Variants in TBX15 observed in about 807,000 individuals in gnomAD.
TBX15 encodes the protein T-box transcription factor 15.
A neutral mutation model predicts 53.9 loss-of-function variants in TBX15; 18 were observed. The ratio of observed to expected loss-of-function variants is 0.33; its 90% confidence interval spans 0.23 to 0.49. The LOEUF (loss-of-function observed/expected upper bound fraction) is 0.49. Among genes scored for constraint, TBX15 ranks in the 20% least tolerant of loss-of-function variants. The pLI, the probability that TBX15 is intolerant of heterozygous loss-of-function variation, is 0.98. For missense variants in TBX15, 692 were observed against 749.5 expected (o/e 0.92, Z 0.90); for synonymous variants, 295 against 278.0 (o/e 1.06, Z -0.61).
chr1:118,945,996 A>G (rs1301131190), intron 1 of TBX15, among the ~76,000 whole-genome samples: 1 of 152,230 alleles, frequency 6.6e-6, no homozygotes, highest in Non-Finnish European at 1.5e-5. Context: ...TTGATGTATG[A>G]GTGAAGGCAG....
intron 1 of TBX15, among the ~76,000 whole-genome samples, chr1:118,963,840 A>G (rs527927666): frequency 2.0e-5 from 3 of 152,350 alleles, no homozygotes; most frequent in Admixed American, 2.0e-4. Context: ...GCATGATGCA[A>G]GAGTTGATAC....
intron 6 of TBX15, among the ~76,000 whole-genome samples, chr1:118,902,841 T>A (rs1314208921): frequency 6.6e-6 from 1 of 152,162 alleles, no homozygotes; most frequent in Non-Finnish European, 1.5e-5. Flanking sequence ...AAATTTACCC[T>A]GTGCTACACA....
intron 1 of TBX15, among the ~76,000 whole-genome samples, chr1:118,978,835 T>C (rs1657528557): frequency 6.6e-6 from 1 of 152,210 alleles, no homozygotes; most frequent in African/African-American, 2.4e-5. Flanking sequence ...CACCCTTTGA[T>C]GCCAAAAAAT....
chr1:118,966,498 C>A (rs1001950814), intron 1 of TBX15, among the ~76,000 whole-genome samples: 1 of 152,228 alleles, frequency 6.6e-6, no homozygotes, highest in African/African-American at 2.4e-5. Context: ...AAACTCATTG[C>A]ACATTCAGAG....
At chr1:118,904,883 C>G (rs1391111671) in intron 6 of TBX15, among the ~76,000 whole-genome samples, 1 of 152,184 alleles carries the variant, frequency 6.6e-6, no homozygotes, top group Non-Finnish European at 1.5e-5. Context: ...ACCCTGCTGA[C>G]TATTAGTACA....
At chr1:118,972,802 G>A (rs1045857993) in intron 1 of TBX15, among the ~76,000 whole-genome samples, 1 of 152,082 alleles carries the variant, frequency 6.6e-6, no homozygotes, top group Non-Finnish European at 1.5e-5. Flanking sequence ...ATTTCACCAT[G>A]TTGGCCAGGT....
intron 1 of TBX15, among the ~76,000 whole-genome samples, chr1:118,979,757 G>C (rs1413525097): frequency 6.6e-6 from 1 of 152,242 alleles, no homozygotes; most frequent in Non-Finnish European, 1.5e-5. Context: ...CCATCCCTCA[G>C]GGTTCCGGGT....
At chr1:118,970,306 C>T (rs967126486) in intron 1 of TBX15, among the ~76,000 whole-genome samples, 1 of 152,198 alleles carries the variant, frequency 6.6e-6, no homozygotes, top group Non-Finnish European at 1.5e-5. Context: ...TAGAATATAA[C>T]AATGGCTTGG....
At position 118,934,879 on chromosome 1, in the gene TBX15, C is replaced by A. The variant is rs560213920; in HGVS notation, c.206-3047G>T. Among the ~76,000 whole-genome samples the A allele has an allele frequency of 4.6e-5, 7 of 152,302 alleles. 1 individual carries two copies. In the East Asian group the frequency reaches 1.4e-3, roughly 29 times the overall value. On this transcript the variant is annotated intron_variant, in intron 1 of 7. Coordinates refer to ENST00000369429, the MANE Select transcript of TBX15 (RefSeq NM_001330677.2). Reference sequence around the variant, plus strand: ...TTTATTTAACTGGAAATACCCTGAACTTCTAGATTTTCACTCTCTCACAAA... The same window carrying A: ...TTTATTTAACTGGAAATACCCTGAAATTCTAGATTTTCACTCTCTCACAAA...
At chr1:118,926,231 C>T (rs1655590391) in intron 3 of TBX15, among the ~76,000 whole-genome samples, 1 of 152,162 alleles carries the variant, frequency 6.6e-6, no homozygotes, top group Non-Finnish European at 1.5e-5. Flanking sequence ...TTAATCACTT[C>T]CAATGTTAAT....
intron 1 of TBX15, among the ~76,000 whole-genome samples, chr1:118,979,371 G>A (rs531730172): frequency 4.0e-5 from 6 of 151,824 alleles, no homozygotes; most frequent in Admixed American, 6.6e-5. Context: ...CGATCCCACA[G>A]GATGACTTTC....
At chr1:118,917,667 T>C (rs1272103520) in intron 5 of TBX15, among the ~76,000 whole-genome samples, 1 of 152,172 alleles carries the variant, frequency 6.6e-6, no homozygotes, top group Non-Finnish European at 1.5e-5. Flanking sequence ...CCTTAGCCCA[T>C]GTCATCATCA....
At chr1:118,952,900 A>G (rs1656563331) in intron 1 of TBX15, among the ~76,000 whole-genome samples, 1 of 152,196 alleles carries the variant, frequency 6.6e-6, no homozygotes, top group South Asian at 2.1e-4. Flanking sequence ...GTTGTCAGCC[A>G]AGTGCCTTTA....
intron 1 of TBX15, among the ~76,000 whole-genome samples, chr1:118,933,451 GC>G (rs1176107734): frequency 4.0e-5 from 4 of 99,506 alleles, no homozygotes; most frequent in East Asian, 3.4e-4. Context: ...CTCCCCCTCT[GC>G]CCCCCACCCA....
chr1:118,956,291 C>T (rs1020828557), intron 1 of TBX15, among the ~76,000 whole-genome samples: 1 of 152,036 alleles, frequency 6.6e-6, no homozygotes, highest in Non-Finnish European at 1.5e-5. Flanking sequence ...AATACTAGTA[C>T]TGGATATTAG....
intron 1 of TBX15, among the ~76,000 whole-genome samples, chr1:118,947,763 G>A (rs896939137): frequency 5.9e-5 from 9 of 152,126 alleles, no homozygotes; most frequent in South Asian, 4.2e-4. Flanking sequence ...ACTGAGACTC[G>A]GTGAAGCAAA....
chr1:118,884,655 C>A lies in TBX15; in HGVS notation c.*77G>T. The A allele has an allele frequency of 2.9e-6, 4 of 1,401,982 alleles. No individual in the cohort carries two copies. Among genetic ancestry groups the A allele is most frequent in the Non-Finnish European group, 4.0e-6 (4 of 1,002,414 alleles). The allele number at this position is 1,401,982 out of a possible 1,614,324, so 86.8% of individuals were successfully genotyped here. On this transcript the variant is annotated 3_prime_UTR_variant, in exon 8 of 8. Transcript: ENST00000369429. ...GTTCCTGTTTTTCAAAGACACTGGA[C>A]TCCCAAAGAGGAGGATCTGACCACG...
At chr1:118,931,878 C>A (rs901136300) in intron 1 of TBX15, 46 bp from the exon 2 acceptor site, 50 of 1,534,372 alleles carry the variant, frequency 3.3e-5, no homozygotes, top group Middle Eastern at 2.1e-4. Flanking sequence ...TGCTGAGCTC[C>A]CCTCACCCAT....
At chr1:118,984,865 T>C (rs1418489841) in intron 1 of TBX15, among the ~76,000 whole-genome samples, 1 of 151,924 alleles carries the variant, frequency 6.6e-6, no homozygotes, top group Admixed American at 6.6e-5. Context: ...TTGCTGCAGG[T>C]TGGTGCCCCA....
Sources: allele counts gnomAD v4.1 joint callset (sites outside exome capture counted in the v4.1 genomes callset), GRCh38; gene constraint gnomAD v4.1.1; transcripts MANE v1.5; gene names NCBI Gene and HGNC (gene_info 2026-07-23, HGNC 2026-07-21).